Variants in RNF185 observed in about 807,000 individuals in gnomAD.
RNF185 encodes ring finger protein 185.
In RNF185, 13 loss-of-function variants were observed where a neutral mutation model predicts 24.9. The observed-to-expected ratio is 0.52, with a 90% CI of 0.34 to 0.83. The LOEUF is 0.83. Ranked by LOEUF, RNF185 falls within the 40% of genes least tolerant of loss-of-function variation. The probability of loss-of-function intolerance (pLI) is 0.01; values close to 1 mark genes in which losing one functional copy is unlikely to be tolerated. For missense variants in RNF185, 184 were observed against 244.7 expected (o/e 0.75, Z 1.65); for synonymous variants, 79 against 90.3 (o/e 0.88, Z 0.71).
Position 31,187,149 on chromosome 22 carries a change from G to T in RNF185, c.55G>T (p.Gly19Trp). The stretch of plus-strand genomic sequence containing the variant: ...ATCTCCTGAGAACTCCAGTGCAGGG[G>T]GGCCCAGTGGGAGCAGCAATGGCGC... ...SASPENSSAG[G>W]PSGSSNGAGE... The change falls in exon 2 of 7, where the codon GGG becomes TGG. Residue 19 changes from glycine (G) to tryptophan (W), a missense_variant. Physicochemically the swap from Gly to Trp is radical, Grantham distance 184. Coordinates refer to ENST00000326132, the MANE Select transcript of RNF185 (RefSeq NM_152267.4). The T allele has an allele frequency of 6.2e-7, 1 of 1,613,646 alleles. No individual in the cohort carries two copies. The highest frequency in any genetic ancestry group is 1.3e-5 in the African/African-American group (1 of 75,022).
chr22:31,204,241 G>A (rs1172902524), intron 6 of RNF185, among the ~76,000 whole-genome samples: 1 of 151,786 alleles, frequency 6.6e-6, no homozygotes, highest in Non-Finnish European at 1.5e-5. Flanking sequence ...TACTTAGGAG[G>A]CTGAGGCAGG....
intron 1 of RNF185, among the ~76,000 whole-genome samples, chr22:31,186,085 GGTAA>G (rs1200037861): frequency 1.2e-4 from 19 of 152,116 alleles, no homozygotes; most frequent in African/African-American, 4.3e-4. Context: ...TTTTACTTAT[GGTAA>G]GTATTACTGG....
intron 5 of RNF185, among the ~76,000 whole-genome samples, chr22:31,199,724 T>A (rs770056675): frequency 6.6e-6 from 1 of 152,228 alleles, no homozygotes; most frequent in East Asian, 1.9e-4. Context: ...GATTCAACCA[T>A]GAACTGAGTA....
At chr22:31,198,869 T>C (rs1042419020) in intron 5 of RNF185, among the ~76,000 whole-genome samples, 1 of 149,154 alleles carries the variant, frequency 6.7e-6, no homozygotes, top group African/African-American at 2.5e-5. Flanking sequence ...CTGAGGCGGG[T>C]GGATCACCTG....
At chr22:31,189,751 G>GCACACCACCA (rs71296607) in intron 2 of RNF185, among the ~76,000 whole-genome samples, 119,798 of 151,398 alleles carry the variant, frequency 0.79, 48,325 homozygotes, top group African/African-American at 0.95. Flanking sequence ...GATTACAGGT[G>GCACACCACCA]CACCCAGCTA....
At chr22:31,192,416 T>C (rs1473552033) in intron 2 of RNF185, among the ~76,000 whole-genome samples, 1 of 152,174 alleles carries the variant, frequency 6.6e-6, no homozygotes, top group South Asian at 2.1e-4. Context: ...ATTTCACATA[T>C]ACTGAGATCT....
At chr22:31,174,438 G>A (rs1324175380) in intron 1 of RNF185, among the ~76,000 whole-genome samples, 1 of 151,968 alleles carries the variant, frequency 6.6e-6, no homozygotes, top group East Asian at 1.9e-4. Flanking sequence ...GGAGTGCAGT[G>A]GCGTCATCAT....
chr22:31,186,917 C>G, intron 1 of RNF185, 130 bp from the exon 2 acceptor site: 2 of 671,750 alleles, frequency 3.0e-6, no homozygotes, highest in Non-Finnish European at 5.0e-6. Flanking sequence ...TCTTCTGTAG[C>G]GCTTTGGGAA....
chr22:31,174,882 C>T (rs973912717), intron 1 of RNF185, among the ~76,000 whole-genome samples: 2 of 151,624 alleles, frequency 1.3e-5, no homozygotes, highest in Non-Finnish European at 2.9e-5. Context: ...CCAGCTTGAC[C>T]AACATGCTGA....
intron 3 of RNF185, among the ~76,000 whole-genome samples, chr22:31,193,978 C>T (rs1275369506): frequency 2.1e-5 from 3 of 143,560 alleles, no homozygotes; most frequent in Admixed American, 6.9e-5. Context: ...CTGGAACCTC[C>T]GCCTCCCGGG....
chr22:31,189,857 G>A (rs1228461141), intron 2 of RNF185, among the ~76,000 whole-genome samples: 2 of 152,124 alleles, frequency 1.3e-5, no homozygotes, highest in Non-Finnish European at 2.9e-5. Context: ...GCCTCCCATA[G>A]TGCTGGGATT....
At chr22:31,194,261 A>G (rs775944546) in intron 3 of RNF185, among the ~76,000 whole-genome samples, 29 of 152,140 alleles carry the variant, frequency 1.9e-4, no homozygotes, top group Admixed American at 5.2e-4. Context: ...GATTTTTTTT[A>G]TATTGAAAGA....
intron 1 of RNF185, among the ~76,000 whole-genome samples, chr22:31,162,853 C>A (rs1055938468): frequency 1.3e-5 from 2 of 151,682 alleles, no homozygotes; most frequent in African/African-American, 4.8e-5. Flanking sequence ...CAAGCTCCGC[C>A]TCCTGGGTTC....
chr22:31,199,394 T>G (rs1425168083), intron 5 of RNF185, among the ~76,000 whole-genome samples: 2 of 151,990 alleles, frequency 1.3e-5, no homozygotes, highest in Non-Finnish European at 2.9e-5. Flanking sequence ...ACTTTAACAT[T>G]CCTAGGTTTT....
chr22:31,197,050 C>A (rs1453410702), intron 5 of RNF185, 60 bp downstream of exon 5: 2 of 1,602,926 alleles, frequency 1.2e-6, no homozygotes, highest in Non-Finnish European at 1.7e-6. Context: ...AAGTTTCCTT[C>A]TTAGCCTTAC....
chr22:31,170,801 C>T (rs1029073918), intron 1 of RNF185, among the ~76,000 whole-genome samples: 7 of 152,118 alleles, frequency 4.6e-5, no homozygotes, highest in South Asian at 2.1e-4. Flanking sequence ...TGAGCCACCA[C>T]GCCTGGCCAG....
chr22:31,199,093 C>G (rs907693414), intron 5 of RNF185, among the ~76,000 whole-genome samples: 2 of 74,478 alleles, frequency 2.7e-5, no homozygotes, highest in African/African-American at 8.1e-5. Context: ...GAGCAAGACT[C>G]TGTCTCAAAA....
At chr22:31,204,371 T>G in intron 6 of RNF185, 118 bp from the exon 7 acceptor site, 6 of 679,064 alleles carry the variant, frequency 8.8e-6, no homozygotes, top group South Asian at 1.6e-5. Context: ...TCTTTTTGTG[T>G]GTAGGATTCT....
rs1412155724 is a variant in RNF185 at position 31,201,726 on chromosome 22, A to G, written c.481+111A>G. On this transcript the variant is annotated intron_variant, in intron 6 of 6. Transcript: ENST00000326132. ...ACAGATAATTGTCACTACATGGATA[A>G]TCAGCCTTTTCAAAATATCTTAAGC... is the stretch of plus-strand genomic sequence containing the variant. 3 of 766,338 alleles carry G rather than the reference A, an allele frequency of 3.9e-6. No individual in the cohort carries two copies. The South Asian group carries it at 5.0e-5, about 13-fold the overall frequency. 47.5% of individuals were successfully genotyped at this position (766,338 alleles called of 1,614,324 possible).
Sources: gnomAD v4.1 joint callset for allele counts (sites outside exome capture counted in the v4.1 genomes callset) on GRCh38, gnomAD v4.1.1 for gene constraint, MANE v1.5 for transcripts, NCBI Gene and HGNC (gene_info 2026-07-23, HGNC 2026-07-21) for gene names.